Variants in MIPOL1 observed in about 807,000 individuals in gnomAD.
MIPOL1 encodes mirror-image polydactyly gene 1 protein.
A neutral mutation model predicts 60.9 loss-of-function variants in MIPOL1; 57 were observed. That is an observed-to-expected ratio of 0.94 (90% CI 0.76 to 1.17). MIPOL1 has a LOEUF of 1.17. Ranked by LOEUF, MIPOL1 falls within the 50% of genes most tolerant of loss-of-function variation. MIPOL1 has a pLI of 0.00. For missense variants in MIPOL1, 551 were observed against 511.6 expected, an observed-to-expected ratio of 1.08 and a Z score of -0.74; for synonymous variants, 179 against 168.8, an observed-to-expected ratio of 1.06 and a Z score of -0.47.
chr14:37,351,206 A>G (rs1241670861), intron 9 of MIPOL1, among the ~76,000 whole-genome samples: 24 of 145,518 alleles, frequency 1.6e-4, no homozygotes, highest in African/African-American at 5.6e-4. Flanking sequence ...ATGATTTCCA[A>G]TTTCATCCAT....
At position 37,257,132 on chromosome 14, in the gene MIPOL1, T is replaced by TG. The variant is rs1555371896; in HGVS notation, c.19+9225_19+9226insG. Among the ~76,000 whole-genome samples the TG allele has an allele frequency of 2.9e-3, 430 of 149,522 alleles. 2 individuals carry two copies. Among genetic ancestry groups the TG allele is most frequent in the African/African-American group, 8.9e-3 (360 of 40,420 alleles). On this transcript the variant is annotated intron_variant, in intron 3 of 12. Coordinates refer to ENST00000684589, the MANE Select transcript of MIPOL1 (RefSeq NM_001388067.1). ...GTGTGTGTGTGTGTGTGTGTGTGTG[T>TG]TTGAGAAACAAATGGGGAATTTGAA...
intron 10 of MIPOL1, among the ~76,000 whole-genome samples, chr14:37,395,437 T>G (rs1009167658): frequency 6.6e-6 from 1 of 152,198 alleles, no homozygotes; most frequent in Non-Finnish European, 1.5e-5. Flanking sequence ...AGCAGTGTTT[T>G]CTAGTTTTCC....
At chr14:37,245,673 A>T (rs1973087366) in intron 1 of MIPOL1, among the ~76,000 whole-genome samples, 1 of 152,156 alleles carries the variant, frequency 6.6e-6, no homozygotes, top group Admixed American at 6.5e-5. Context: ...TCTTCTGCCA[A>T]GGACCATTTG....
chr14:37,377,664 C>T (rs1428752011), intron 10 of MIPOL1, among the ~76,000 whole-genome samples: 1 of 151,838 alleles, frequency 6.6e-6, no homozygotes, highest in Non-Finnish European at 1.5e-5. Context: ...TTCATATCCT[C>T]TCAAGCTTTC....
At chr14:37,381,587 AT>A (rs757364292) in intron 10 of MIPOL1, among the ~76,000 whole-genome samples, 38 of 147,428 alleles carry the variant, frequency 2.6e-4, no homozygotes, top group South Asian at 8.6e-4. Context: ...CTGAATTGGA[AT>A]TTTTTTTTTT....
chr14:37,475,754 T>G (rs1319711960), intron 11 of MIPOL1, among the ~76,000 whole-genome samples: 5 of 152,116 alleles, frequency 3.3e-5, no homozygotes, highest in Non-Finnish European at 5.9e-5. Flanking sequence ...TGGATCTGTT[T>G]CTGGGCTCTC....
intron 3 of MIPOL1, among the ~76,000 whole-genome samples, chr14:37,257,389 T>A (rs1975138557): frequency 6.6e-6 from 1 of 152,108 alleles, no homozygotes; most frequent in Non-Finnish European, 1.5e-5. Context: ...GTTTTAATGA[T>A]GCCTCCAATA....
chr14:37,418,952 G>T (rs1246159359), intron 10 of MIPOL1, among the ~76,000 whole-genome samples: 1 of 151,928 alleles, frequency 6.6e-6, no homozygotes, highest in African/African-American at 2.4e-5. Context: ...TATATATAGT[G>T]TAAATGCACA....
At chr14:37,460,765 C>A (rs1415801101) in intron 11 of MIPOL1, among the ~76,000 whole-genome samples, 1 of 152,102 alleles carries the variant, frequency 6.6e-6, no homozygotes, top group Non-Finnish European at 1.5e-5. Flanking sequence ...ACAATAGCCA[C>A]ACAAGAAATA....
intron 12 of MIPOL1, among the ~76,000 whole-genome samples, chr14:37,518,329 A>G (rs2095386490): frequency 6.6e-6 from 1 of 152,178 alleles, no homozygotes; most frequent in Non-Finnish European, 1.5e-5. Flanking sequence ...AGAAATATCA[A>G]AGTAAATCTC....
chr14:37,316,005 T>A (rs1254366314), intron 9 of MIPOL1, among the ~76,000 whole-genome samples: 1 of 143,776 alleles, frequency 7.0e-6, no homozygotes, highest in Non-Finnish European at 1.5e-5. Flanking sequence ...GAGGGGAAAT[T>A]GTTTCTGTTT....
At chr14:37,476,460 C>G (rs1259208875) in intron 11 of MIPOL1, among the ~76,000 whole-genome samples, 1 of 152,106 alleles carries the variant, frequency 6.6e-6, no homozygotes, top group East Asian at 1.9e-4. Context: ...GCTAGGACTT[C>G]TAGTGCGATG....
intron 10 of MIPOL1, among the ~76,000 whole-genome samples, chr14:37,414,950 G>T (rs576648481): frequency 1.3e-5 from 2 of 152,106 alleles, no homozygotes; most frequent in South Asian, 2.1e-4. Context: ...TACCTTACCT[G>T]CATATGTGTA....
intron 1 of MIPOL1, among the ~76,000 whole-genome samples, chr14:37,224,340 T>A (rs1446542850): frequency 6.6e-6 from 1 of 152,044 alleles, no homozygotes; most frequent in Non-Finnish European, 1.5e-5. Context: ...AGTAGTTGGG[T>A]GTATTAGTCC....
At chr14:37,450,938 AT>A (rs2094408128) in intron 11 of MIPOL1, among the ~76,000 whole-genome samples, 1 of 152,180 alleles carries the variant, frequency 6.6e-6, no homozygotes, top group Non-Finnish European at 1.5e-5. Flanking sequence ...GAATAAAAAA[AT>A]ATTTTTAAGA....
rs1342544242 is a variant in MIPOL1 at position 37,270,498 on chromosome 14, G to T, written c.466G>T (p.Glu156Ter). ...FKLELQEKET[E>*]AKIAEKTAAL... ...GCTGGAACTCCAAGAGAAAGAAACA[G>T]AAGCTAAAATTGCTGAAAAGACAGC... Residue 156 changes from glutamate (E) to a stop codon, truncating the protein, a stop_gained, in exon 6 of 13, where the codon GAA becomes TAA. Coordinates refer to ENST00000684589, the MANE Select transcript of MIPOL1 (RefSeq NM_001388067.1). LOFTEE classifies it high-confidence loss of function. The T allele has an allele frequency of 1.9e-6, 3 of 1,599,354 alleles. No individual in the cohort carries two copies. The highest frequency in any genetic ancestry group is 2.6e-6 in the Non-Finnish European group (3 of 1,172,532).
At position 37,319,780 on chromosome 14, in the gene MIPOL1, A is replaced by G. The variant is rs552349326; in HGVS notation, c.828+11261A>G. Among the ~76,000 whole-genome samples, 3 of 152,256 alleles carry G rather than the reference A, an allele frequency of 2.0e-5. No individual in the cohort carries two copies. In the South Asian group the frequency reaches 6.2e-4, roughly 32 times the overall value. On this transcript the variant is annotated intron_variant, in intron 9 of 12. Transcript: ENST00000684589. ...AGATATGGAACACTGCTAGTACTCC[A>G]GGAGGCTCTTTCTTGTCTCTTCCCA... is the stretch of plus-strand genomic sequence containing the variant.
intron 10 of MIPOL1, among the ~76,000 whole-genome samples, chr14:37,389,960 G>A (rs187340589): frequency 6.6e-6 from 1 of 152,042 alleles, no homozygotes; most frequent in Admixed American, 6.6e-5. Context: ...CAATACTTTG[G>A]GAGGCCAAGA....
intron 11 of MIPOL1, among the ~76,000 whole-genome samples, chr14:37,494,387 G>A (rs1483846903): frequency 3.3e-5 from 5 of 152,204 alleles, no homozygotes; most frequent in Non-Finnish European, 7.3e-5. Context: ...CCACGTAGGT[G>A]TATCTAAGAA....
Sources: gnomAD v4.1 joint callset for allele counts (sites outside exome capture counted in the v4.1 genomes callset) on GRCh38, gnomAD v4.1.1 for gene constraint, MANE v1.5 for transcripts, NCBI Gene and HGNC (gene_info 2026-07-23, HGNC 2026-07-21) for gene names.